The following ERC2 variants were observed in gnomAD, a reference collection of about 807,000 sequenced individuals.
ERC2 encodes ERC protein 2.
A neutral mutation model predicts 114.8 loss-of-function variants in ERC2; 42 were observed. The observed-to-expected ratio is 0.37, with a 90% CI of 0.29 to 0.47. The LOEUF (loss-of-function observed/expected upper bound fraction) is 0.47. Among genes scored for constraint, ERC2 ranks in the 20% least tolerant of loss-of-function variants. ERC2 has a pLI of 0.99. For synonymous variants in ERC2, 454 were observed against 425.5 expected (o/e 1.07, Z -0.82); for missense variants, 939 against 1,150.7 (o/e 0.82, Z 2.66).
At chr3:55,791,085 G>C (rs2069972908) in intron 14 of ERC2, among the ~76,000 whole-genome samples, 1 of 152,176 alleles carries the variant, frequency 6.6e-6, no homozygotes, top group Non-Finnish European at 1.5e-5. Flanking sequence ...AAATTAAATA[G>C]TGTTTATTTT....
At chr3:55,713,123 TCTCTGTCTCA>T (rs890072595) in intron 15 of ERC2, among the ~76,000 whole-genome samples, 2 of 114,872 alleles carry the variant, frequency 1.7e-5, no homozygotes, top group African/African-American at 8.2e-5. Flanking sequence ...TCTCTCTCTC[TCTCTGTCTCA>T]CACACACACA....
intron 4 of ERC2, among the ~76,000 whole-genome samples, chr3:56,153,909 T>C (rs1280380390): frequency 6.6e-6 from 1 of 152,184 alleles, no homozygotes; most frequent in Non-Finnish European, 1.5e-5. Flanking sequence ...TGATCACATA[T>C]TGGTCTACGG....
At chr3:55,948,075 T>C (rs1430166736) in intron 13 of ERC2, among the ~76,000 whole-genome samples, 1 of 152,208 alleles carries the variant, frequency 6.6e-6, no homozygotes, top group South Asian at 2.1e-4. Context: ...TGTGTTCTGG[T>C]TTGAACAATA....
chr3:56,421,271 G>C (rs189018262), intron 2 of ERC2, among the ~76,000 whole-genome samples: 12 of 152,324 alleles, frequency 7.9e-5, no homozygotes, highest in Non-Finnish European at 1.6e-4. Context: ...CTAGAACTAA[G>C]GCAAGCTTCT....
At chr3:56,161,212 G>A (rs1449399498) in intron 4 of ERC2, among the ~76,000 whole-genome samples, 1 of 152,164 alleles carries the variant, frequency 6.6e-6, no homozygotes, top group East Asian at 1.9e-4. Flanking sequence ...TGCTGTGACT[G>A]TAAGCTTCCT....
At chr3:56,414,102 C>A (rs1445032840) in intron 2 of ERC2, among the ~76,000 whole-genome samples, 1 of 152,188 alleles carries the variant, frequency 6.6e-6, no homozygotes, top group Non-Finnish European at 1.5e-5. Context: ...AAATCCAAGT[C>A]ATCAGAAAAG....
At chr3:55,718,443 C>T (rs1302392751) in intron 15 of ERC2, among the ~76,000 whole-genome samples, 1 of 152,090 alleles carries the variant, frequency 6.6e-6, no homozygotes, top group Non-Finnish European at 1.5e-5. Context: ...TTAAAATATC[C>T]AACAATGGCT....
At chr3:56,383,735 C>G (rs567109145) in intron 2 of ERC2, among the ~76,000 whole-genome samples, 1 of 152,252 alleles carries the variant, frequency 6.6e-6, no homozygotes, top group East Asian at 1.9e-4. Flanking sequence ...GTGTACAGTT[C>G]AGTGGCATCA....
intron 3 of ERC2, among the ~76,000 whole-genome samples, chr3:56,288,199 G>A (rs1306427775): frequency 6.6e-6 from 1 of 152,172 alleles, no homozygotes; most frequent in Non-Finnish European, 1.5e-5. Flanking sequence ...CACAGAGCCT[G>A]TGCTTGGGGT....
intron 13 of ERC2, among the ~76,000 whole-genome samples, chr3:55,889,501 CA>C (rs1222238000): frequency 6.6e-6 from 1 of 152,100 alleles, no homozygotes; most frequent in East Asian, 1.9e-4. Flanking sequence ...AGCCAGGTCC[CA>C]AAAAATGAGA....
At chr3:56,298,631 T>C (rs1421724719) in intron 2 of ERC2, among the ~76,000 whole-genome samples, 1 of 151,110 alleles carries the variant, frequency 6.6e-6, no homozygotes, top group Non-Finnish European at 1.5e-5. Context: ...ACATATTGTA[T>C]GATTCCACTA....
chr3:55,700,731 T>C (rs967411734), intron 15 of ERC2, among the ~76,000 whole-genome samples: 3 of 152,180 alleles, frequency 2.0e-5, no homozygotes, highest in African/African-American at 7.2e-5. Flanking sequence ...CACCCTGTCC[T>C]GGAGGCTGGG....
At position 55,727,572 on chromosome 3, in the gene ERC2, T is replaced by A. The variant is rs113983759; in HGVS notation, c.2712+7199A>T. 1.3e-3 allele frequency among the ~76,000 whole-genome samples: 199 copies of A among 152,332 alleles called. 2 individuals are homozygous for A. Among genetic ancestry groups the A allele is most frequent in the African/African-American group, 4.7e-3 (195 of 41,574 alleles). ...AACACCTGAAGAGCATCACAAAGAT[T>A]CTTTTATTGTTAAGCACAATTGGAA... On this transcript the variant is annotated intron_variant, in intron 15 of 17. Coordinates refer to ENST00000288221, the MANE Select transcript of ERC2 (RefSeq NM_015576.3).
intron 17 of ERC2, among the ~76,000 whole-genome samples, chr3:55,668,874 G>A (rs2148728671): frequency 6.6e-6 from 1 of 152,300 alleles, no homozygotes; most frequent in Middle Eastern, 3.4e-3. Flanking sequence ...GCAGGAACTT[G>A]AATATTTAGC....
At chr3:56,401,819 C>G (rs1376753005) in intron 2 of ERC2, among the ~76,000 whole-genome samples, 10 of 152,084 alleles carry the variant, frequency 6.6e-5, no homozygotes, top group Admixed American at 6.6e-4. Context: ...GCAGGGCCAC[C>G]CCATAGGCAG....
chr3:56,282,252 A>G (rs745417576), intron 3 of ERC2, among the ~76,000 whole-genome samples: 6 of 152,242 alleles, frequency 3.9e-5, no homozygotes, highest in Non-Finnish European at 7.3e-5. Context: ...AACAAAGGCA[A>G]TTAACCTCAT....
chr3:56,097,416 A>G (rs1322810908), intron 6 of ERC2, among the ~76,000 whole-genome samples: 1 of 152,116 alleles, frequency 6.6e-6, no homozygotes, highest in Non-Finnish European at 1.5e-5. Context: ...CCTGAAAAAT[A>G]TCACAGCACT....
intron 14 of ERC2, among the ~76,000 whole-genome samples, chr3:55,768,262 GA>G (rs2067956929): frequency 1.3e-5 from 2 of 152,228 alleles, no homozygotes; most frequent in South Asian, 4.1e-4. Flanking sequence ...AAAGAAGAAA[GA>G]AGGCTGGTTT....
At chr3:55,708,920 G>A (rs979615646) in intron 15 of ERC2, among the ~76,000 whole-genome samples, 1 of 145,350 alleles carries the variant, frequency 6.9e-6, no homozygotes, top group African/African-American at 2.6e-5. Flanking sequence ...GACAAGAGAA[G>A]AGAGAAAAAG....
Sources: gnomAD v4.1 joint callset for allele counts (sites outside exome capture counted in the v4.1 genomes callset) on GRCh38, gnomAD v4.1.1 for gene constraint, MANE v1.5 for transcripts, NCBI Gene and HGNC (gene_info 2026-07-23, HGNC 2026-07-21) for gene names.